The following TFEB variants were observed in gnomAD, a reference collection of about 807,000 sequenced individuals.
The protein encoded by TFEB is T-cell transcription factor EB.
In TFEB, 12 loss-of-function variants were observed where a neutral mutation model predicts 48.0. That is an observed-to-expected ratio of 0.25 (90% CI 0.16 to 0.40). The LOEUF (loss-of-function observed/expected upper bound fraction) is 0.40. Ranked by LOEUF, TFEB falls within the 10% of genes least tolerant of loss-of-function variation. The probability of loss-of-function intolerance (pLI) is 1.00; values close to 1 mark genes in which losing one functional copy is unlikely to be tolerated. For synonymous variants in TFEB, 244 were observed against 261.4 expected, an observed-to-expected ratio of 0.93 and a Z score of 0.64; for missense variants, 509 against 640.3, an observed-to-expected ratio of 0.79 and a Z score of 2.21.
chr6:41,698,883 C>T (rs1470547072), intron 1 of TFEB, among the ~76,000 whole-genome samples: 1 of 152,202 alleles, frequency 6.6e-6, no homozygotes, highest in Non-Finnish European at 1.5e-5. Context: ...AACTAGGAAA[C>T]AGAACAAGGA....
intron 1 of TFEB, among the ~76,000 whole-genome samples, chr6:41,729,743 A>T (rs2127276464): frequency 6.6e-6 from 1 of 152,320 alleles, no homozygotes. Context: ...CAGGTGGAGA[A>T]ATGGGAAGGA....
At chr6:41,701,765 T>C (rs1378704286) in intron 1 of TFEB, among the ~76,000 whole-genome samples, 2 of 151,482 alleles carry the variant, frequency 1.3e-5, no homozygotes, top group Non-Finnish European at 2.9e-5. Flanking sequence ...GCCAACATGG[T>C]GAAACCCTGT....
rs1771124969 is a variant in TFEB at position 41,724,488 on chromosome 6, C to CCCAGGGTTGG, written c.-23+10861_-23+10862insCCAACCCTGG. On this transcript the variant is annotated intron_variant, in intron 1 of 8. Coordinates refer to ENST00000373033, the MANE Select transcript of TFEB (RefSeq NM_001271944.2). This position sits in a 1 kb window ranked among gnomAD's most constrained non-coding sequence, Gnocchi z 4.4. ...GCCCAGAACAGTGAGGCCAGAGAGG[C>CCCAGGGTTGG]CCAGGGAGGATGGACCCAGACTCTG... is the stretch of plus-strand genomic sequence containing the variant. Among the ~76,000 whole-genome samples, 1 of 151,916 alleles carries CCCAGGGTTGG rather than the reference C, an allele frequency of 6.6e-6. No individual in the cohort carries two copies. Among genetic ancestry groups the CCCAGGGTTGG allele is most frequent in the Non-Finnish European group, 1.5e-5 (1 of 67,964 alleles).
intron 8 of TFEB, 36 bp from the exon 9 acceptor site, chr6:41,685,114 C>T (rs753849147): frequency 7.1e-7 from 1 of 1,399,606 alleles, no homozygotes; most frequent in Non-Finnish European, 9.3e-7. Flanking sequence ...GGGAACACAC[C>T]TATGGGCACC....
intron 1 of TFEB, among the ~76,000 whole-genome samples, chr6:41,726,714 C>T (rs1052733545): frequency 6.6e-6 from 1 of 152,154 alleles, no homozygotes; most frequent in Non-Finnish European, 1.5e-5. Flanking sequence ...GCTGGGATTA[C>T]AGGCGTGAGC....
At chr6:41,697,210 C>A (rs1769634851) in intron 1 of TFEB, among the ~76,000 whole-genome samples, 1 of 151,896 alleles carries the variant, frequency 6.6e-6, no homozygotes, top group South Asian at 2.1e-4. Context: ...GAGTTCAAGA[C>A]CAGCCTGGGC....
rs114112176 is a variant in TFEB at position 41,708,254 on chromosome 6, C to G, written c.-22-17019G>C. Among the ~76,000 whole-genome samples the G allele has an allele frequency of 4.3e-3, 652 of 152,352 alleles. 8 individuals carry two copies. Among genetic ancestry groups the G allele is most frequent in the African/African-American group, 0.014 (595 of 41,584 alleles). ...GTGGAACTGGCGACTGGGGAAGGGT[C>G]TGCCTGGGGAAGCCTCTTGGACATA... On this transcript the variant is annotated intron_variant, in intron 1 of 8. Transcript: ENST00000373033.
At chr6:41,722,385 C>T (rs909262899) in intron 1 of TFEB, among the ~76,000 whole-genome samples, 3 of 152,344 alleles carry the variant, frequency 2.0e-5, no homozygotes, top group East Asian at 1.9e-4. Context: ...AGCCCACAGG[C>T]TGCAAGGCCA....
At chr6:41,727,807 G>C (rs562785930) in intron 1 of TFEB, among the ~76,000 whole-genome samples, 1 of 152,186 alleles carries the variant, frequency 6.6e-6, no homozygotes, top group African/African-American at 2.4e-5. Flanking sequence ...CTGAGCTGTC[G>C]GCCCTGATCC....
At position 41,723,444 on chromosome 6, in the gene TFEB, CGCGTGT is replaced by C. The variant is rs137926866; in HGVS notation, c.-23+11900_-23+11905del. On this transcript the variant is annotated intron_variant, in intron 1 of 8. Transcript: ENST00000373033. This position sits in a 1 kb window ranked among gnomAD's most constrained non-coding sequence, Gnocchi z 6.0. ...ACATGCACACACTCACACACATGCA[CGCGTGT>C]GCTCTCATACCTTCGAGAGGGCAGC... The C allele has an allele frequency of 7.4e-3, 9,285 of 1,250,012 alleles. 506 individuals carry two copies. In the African/African-American group the frequency reaches 0.12, roughly 16 times the overall value. 77.4% of individuals were successfully genotyped at this position (1,250,012 alleles called of 1,614,324 possible). A position where few individuals can be genotyped will look rare whatever the true frequency, so the allele number is the denominator to read the frequency against.
In TFEB at chr6:41,700,884, G is replaced by A. The variant is rs1302405248; in HGVS notation, c.-22-9649C>T. Among the ~76,000 whole-genome samples, 4 of 152,312 alleles carry A rather than the reference G, an allele frequency of 2.6e-5. No individual in the cohort carries two copies. The East Asian group carries it at 7.8e-4, about 30-fold the overall frequency. On this transcript the variant is annotated intron_variant, in intron 1 of 8. Coordinates refer to ENST00000373033, the MANE Select transcript of TFEB (RefSeq NM_001271944.2). ...GACTGTTGGCCCGGGACAACAGGGG[G>A]AGCAGCTTCAAAGGCCATTGCAGAC...
chr6:41,703,384 T>C (rs907329739), intron 1 of TFEB, among the ~76,000 whole-genome samples: 10 of 152,222 alleles, frequency 6.6e-5, no homozygotes, highest in Admixed American at 1.3e-4. Context: ...CAGCCCTCCC[T>C]GCCCCAGGCC....
At chr6:41,692,267 C>T (rs1210580673) in intron 1 of TFEB, among the ~76,000 whole-genome samples, 4 of 152,200 alleles carry the variant, frequency 2.6e-5, no homozygotes, top group Admixed American at 2.6e-4. Flanking sequence ...ACTGCTATAC[C>T]ATGGGACTCT....
chr6:41,687,673 A>AGGT (rs1769080862), intron 6 of TFEB, 80 bp downstream of exon 6: 1 of 1,571,320 alleles, frequency 6.4e-7, no homozygotes, highest in Non-Finnish European at 8.7e-7. Flanking sequence ...CCACCAGTGC[A>AGGT]GGTCAGGGAG....
intron 1 of TFEB, among the ~76,000 whole-genome samples, chr6:41,695,790 C>G (rs539020646): frequency 6.6e-6 from 1 of 152,102 alleles, no homozygotes; most frequent in Non-Finnish European, 1.5e-5. Context: ...GGAATATGTG[C>G]GACTTGTGTG....
intron 1 of TFEB, among the ~76,000 whole-genome samples, chr6:41,694,744 G>T (rs574493458): frequency 6.6e-6 from 1 of 152,214 alleles, no homozygotes; most frequent in Admixed American, 6.5e-5. Flanking sequence ...TGGCCCTTCA[G>T]ACCCACCATG....
rs1167130827 is a variant in TFEB at position 41,730,861 on chromosome 6, G to C, written c.-23+4489C>G. Among the ~76,000 whole-genome samples, 2 of 152,208 alleles carry C rather than the reference G, an allele frequency of 1.3e-5. No individual in the cohort carries two copies. The highest frequency in any genetic ancestry group is 2.9e-5 in the Non-Finnish European group (2 of 68,022). ...CAGGGAAACCCAAGTGGCAGGGCAG[G>C]GGTGGTAGAGATGCCTCAGGCATTG... On this transcript the variant is annotated intron_variant, in intron 1 of 8. Transcript: ENST00000373033. The surrounding 1 kb of genome is among the most constrained non-coding windows in gnomAD (Gnocchi z 4.1).
At chr6:41,728,227 T>C (rs1041941074) in intron 1 of TFEB, among the ~76,000 whole-genome samples, 9 of 152,350 alleles carry the variant, frequency 5.9e-5, no homozygotes, top group Admixed American at 4.6e-4. Flanking sequence ...GAAGCTGTGA[T>C]CTTGTTCCCA....
In TFEB at chr6:41,724,996, A is replaced by C. The variant is rs1445086425; in HGVS notation, c.-23+10354T>G. Among the ~76,000 whole-genome samples the C allele has an allele frequency of 6.6e-6, 1 of 152,222 alleles. No homozygotes were observed. The highest frequency in any genetic ancestry group is 2.4e-5 in the African/African-American group (1 of 41,466). On this transcript the variant is annotated intron_variant, in intron 1 of 8. Transcript: ENST00000373033. The surrounding 1 kb of genome is among the most constrained non-coding windows in gnomAD (Gnocchi z 4.4). ...GCCCCTTTGCAGGGACGCCTCCCCC[A>C]AAATGCCTGCACATTCACCATCTCC... is the stretch of plus-strand genomic sequence containing the variant.
Sources: gnomAD v4.1 joint callset for allele counts (sites outside exome capture counted in the v4.1 genomes callset) on GRCh38, gnomAD v4.1.1 for gene constraint, Gnocchi (gnomAD v3.1) non-coding constraint, MANE v1.5 for transcripts, NCBI Gene and HGNC (gene_info 2026-07-23, HGNC 2026-07-21) for gene names.